BAZ2B: variants seen among roughly 807,000 people sequenced by gnomAD.
BAZ2B encodes bromodomain adjacent to zinc finger domain protein 2B.
In BAZ2B, 91 loss-of-function variants were observed where a neutral mutation model predicts 246.0. The observed-to-expected ratio is 0.37, with a 90% CI of 0.31 to 0.44. The LOEUF (loss-of-function observed/expected upper bound fraction) is 0.44, where lower values mean the gene tolerates loss of function less well. BAZ2B is among the 20% of genes least tolerant of loss of function. The pLI, the probability that BAZ2B is intolerant of heterozygous loss-of-function variation, is 1.00. For synonymous variants in BAZ2B, 855 were observed against 860.0 expected (o/e 0.99, Z 0.10); for missense variants, 2,332 against 2,533.7 (o/e 0.92, Z 1.71).
chr2:159,391,908 C>T (rs1394849262), intron 20 of BAZ2B, among the ~76,000 whole-genome samples: 2 of 152,146 alleles, frequency 1.3e-5, no homozygotes, highest in Non-Finnish European at 2.9e-5. Context: ...TCTCTCAATT[C>T]AGCATGAATT....
chr2:159,407,008 C>T (rs1445454608), intron 14 of BAZ2B, among the ~76,000 whole-genome samples: 1 of 151,932 alleles, frequency 6.6e-6, no homozygotes, highest in Non-Finnish European at 1.5e-5. Flanking sequence ...CCTGCCTCGG[C>T]CTCCCAAAGT....
intron 2 of BAZ2B, among the ~76,000 whole-genome samples, chr2:159,494,040 C>T (rs959932613): frequency 8.5e-5 from 13 of 152,106 alleles, no homozygotes; most frequent in Admixed American, 2.0e-4. Context: ...ACACTAAAGC[C>T]GAGGTATTCC....
At chr2:159,673,054 C>T in the BAZ2B span, among the ~76,000 whole-genome samples, 3 of 152,022 alleles carry the variant, frequency 2.0e-5, no homozygotes. Context: ...CAAAAAACAT[C>T]GTAAGTAAAG....
At chr2:159,415,493 C>A (rs939120991) in intron 13 of BAZ2B, among the ~76,000 whole-genome samples, 1 of 150,224 alleles carries the variant, frequency 6.7e-6, no homozygotes, top group Admixed American at 6.6e-5. Context: ...ATGTATCCTG[C>A]ATGTGTCAAT....
intron 1 of BAZ2B, among the ~76,000 whole-genome samples, chr2:159,568,085 T>C (rs932287033): frequency 4.6e-5 from 7 of 152,224 alleles, no homozygotes; most frequent in African/African-American, 1.4e-4. Flanking sequence ...TTCACAATGT[T>C]GTGGAACCAT....
At chr2:159,692,359 T>C in the BAZ2B span, among the ~76,000 whole-genome samples, 2 of 152,096 alleles carry the variant, frequency 1.3e-5, no homozygotes, top group African/African-American at 2.4e-5. Flanking sequence ...GGTTTCACCA[T>C]GTTGGCCAGG....
At chr2:159,627,963 T>C in the BAZ2B span, among the ~76,000 whole-genome samples, 3 of 152,156 alleles carry the variant, frequency 2.0e-5, no homozygotes, top group Admixed American at 6.5e-5. Context: ...TAAGCAACTT[T>C]AGCAAAGTCT....
chr2:159,540,415 T>C (rs1361855947), intron 2 of BAZ2B, among the ~76,000 whole-genome samples: 2 of 152,124 alleles, frequency 1.3e-5, no homozygotes, highest in East Asian at 3.8e-4. Flanking sequence ...ATGAGAGAGA[T>C]TGGCAGTATA....
At chr2:159,540,188 A>G (rs572527569) in intron 2 of BAZ2B, among the ~76,000 whole-genome samples, 1 of 152,226 alleles carries the variant, frequency 6.6e-6, no homozygotes, top group Non-Finnish European at 1.5e-5. Context: ...TCCATAAATT[A>G]TTTGTAGAAT....
chr2:159,624,807 G>A, the BAZ2B span, among the ~76,000 whole-genome samples: 1 of 152,086 alleles, frequency 6.6e-6, no homozygotes, highest in African/African-American at 2.4e-5. Context: ...ACCAGCAAGG[G>A]AACAAAACTG....
chr2:159,450,741 C>CTT (rs201235112), intron 4 of BAZ2B, among the ~76,000 whole-genome samples: 3 of 143,454 alleles, frequency 2.1e-5, no homozygotes, highest in South Asian at 2.2e-4. Context: ...ACATTTAACT[C>CTT]TTTTTTTTTT....
chr2:159,584,088 G>C (rs1209565238), intron 1 of BAZ2B, among the ~76,000 whole-genome samples: 1 of 151,832 alleles, frequency 6.6e-6, no homozygotes, highest in African/African-American at 2.4e-5. Context: ...TAAAGTCATG[G>C]TGGGGTGTGA....
chr2:159,705,977 TAGAATGAAAA>T, the BAZ2B span, among the ~76,000 whole-genome samples: 1 of 146,186 alleles, frequency 6.8e-6, no homozygotes, highest in Admixed American at 6.9e-5. Context: ...AAAGGTACTA[TAGAATGAAAA>T]AAGTTAGATG....
In BAZ2B at chr2:159,448,249, G is replaced by C; in HGVS notation, c.495C>G (p.Pro165=). ...RTSGKSNRNG[P]EKGVNGSING... ...TTATGTAAATGTGGATACCTTTTTCGGGACCATTTCGATTACTTTTTCCCG... is the reference window on the plus strand; with the variant it reads ...TTATGTAAATGTGGATACCTTTTTCCGGACCATTTCGATTACTTTTTCCCG... The change falls in exon 5 of 37, where the codon CCC becomes CCG. Residue 165 remains proline, a synonymous_variant. Coordinates refer to ENST00000392783, the MANE Select transcript of BAZ2B (RefSeq NM_013450.4). 2 of 1,608,510 alleles carry C rather than the reference G, an allele frequency of 1.2e-6. No homozygotes were observed. Among genetic ancestry groups the C allele is most frequent in the Non-Finnish European group, 1.7e-6 (2 of 1,178,566 alleles).
Position 159,349,188 on chromosome 2 carries a change from A to G in BAZ2B, c.4956T>C (p.Pro1652=). The change falls in exon 29 of 37, where the codon CCT becomes CCC. Residue 1652 remains proline, a synonymous_variant. Coordinates refer to ENST00000392783, the MANE Select transcript of BAZ2B (RefSeq NM_013450.4). ...ATAACCCTAACCCCGATCCTAGACT[A>G]GGTACAGATGATGTAAATGGAATAT... ...TSNIPFTSSV[P]SLGSGLGLSE... 6.2e-7 allele frequency: 1 copy of G among 1,614,114 alleles called. No individual in the cohort carries two copies. The highest frequency in any genetic ancestry group is 8.5e-7 in the Non-Finnish European group (1 of 1,179,956).
chr2:159,421,034 C>T lies in BAZ2B; in HGVS notation c.2466+6907G>A, dbSNP rs147430445. Among the ~76,000 whole-genome samples, 275 of 152,296 alleles carry T rather than the reference C, an allele frequency of 1.8e-3. 2 individuals carry two copies. The highest frequency in any genetic ancestry group is 6.3e-3 in the African/African-American group (263 of 41,562). On this transcript the variant is annotated intron_variant, in intron 13 of 36. Transcript: ENST00000392783. ...TCTAAAATCAAGATTTTTACAGAAG[C>T]TGGTAAGAAGTGTTTGAAAACTATC...
intron 3 of BAZ2B, among the ~76,000 whole-genome samples, chr2:159,475,515 G>C (rs2078413586): frequency 6.6e-6 from 1 of 152,092 alleles, no homozygotes; most frequent in Non-Finnish European, 1.5e-5. Flanking sequence ...TTAGCTCGGA[G>C]GAGTTTGTTA....
intron 17 of BAZ2B, among the ~76,000 whole-genome samples, chr2:159,400,237 T>C (rs1270407033): frequency 6.6e-6 from 1 of 152,234 alleles, no homozygotes; most frequent in Non-Finnish European, 1.5e-5. Flanking sequence ...TTTGAAATCT[T>C]ACTTCTGTAA....
rs2058392163 is a variant in BAZ2B at position 159,350,067 on chromosome 2, T to A, written c.4504A>T (p.Asn1502Tyr). 1 of 1,614,070 alleles carries A rather than the reference T, an allele frequency of 6.2e-7. No homozygotes were observed. The highest frequency in any genetic ancestry group is 1.7e-5 in the Admixed American group (1 of 59,988). The change falls in exon 28 of 37, where the codon AAC becomes TAC. Residue 1502 changes from asparagine (N) to tyrosine (Y), a missense_variant. This residue lies in a region of BAZ2B where 676 missense variants were observed against 668.6 expected (regional missense o/e 1.01). Transcript: ENST00000392783. ...GANGCTLSYQ[N>Y]SGKHSLGSVQ... ...CTGCCCAGTGAATGTTTTCCACTGT[T>A]CTGATAAGACAACGTGCACCCATTT...
Sources: allele counts gnomAD v4.1 joint callset (sites outside exome capture counted in the v4.1 genomes callset), GRCh38; gene constraint gnomAD v4.1.1; regional missense constraint gnomAD v4.1.1; transcripts MANE v1.5; gene names NCBI Gene and HGNC (gene_info 2026-07-23, HGNC 2026-07-21).